MBOAT2: variants seen among roughly 807,000 people sequenced by gnomAD.
The protein encoded by MBOAT2 is membrane-bound glycerophospholipid O-acyltransferase 2.
A neutral mutation model predicts 63.4 loss-of-function variants in MBOAT2; 28 were observed. The observed-to-expected ratio is 0.44, with a 90% CI of 0.33 to 0.61. The LOEUF is 0.61. Ranked by LOEUF, MBOAT2 falls within the 20% of genes least tolerant of loss-of-function variation. The pLI is 0.03. For missense variants in MBOAT2, 470 were observed against 605.8 expected (o/e 0.78, Z 2.35); for synonymous variants, 211 against 215.6 (o/e 0.98, Z 0.19).
Position 8,858,608 on chromosome 2 carries a change from C to T in MBOAT2, c.*71G>A. On this transcript the variant is annotated 3_prime_UTR_variant, in exon 13 of 13. Transcript: ENST00000305997. ...AACTGCTTTTCCAACAAACTCAAAC[C>T]CCTTGAAAAGGTGCTAAGATTGGTT... is the stretch of plus-strand genomic sequence containing the variant. 1 of 1,166,030 alleles carries T rather than the reference C, an allele frequency of 8.6e-7. No individual in the cohort carries two copies. The highest frequency in any genetic ancestry group is 1.2e-6 in the Non-Finnish European group (1 of 817,970). 72.2% of individuals were successfully genotyped at this position (1,166,030 alleles called of 1,614,324 possible).
intron 3 of MBOAT2, among the ~76,000 whole-genome samples, chr2:8,922,890 G>A (rs1428567761): frequency 1.3e-5 from 2 of 152,218 alleles, no homozygotes; most frequent in Non-Finnish European, 1.5e-5. Context: ...TTCTCTGTTA[G>A]CTACTGCATG....
intron 3 of MBOAT2, among the ~76,000 whole-genome samples, chr2:8,929,898 C>T (rs1441503575): frequency 6.6e-6 from 1 of 152,136 alleles, no homozygotes; most frequent in African/African-American, 2.4e-5. Context: ...TAAAATATTC[C>T]TAACATCTGA....
In MBOAT2 at chr2:8,877,125, T is replaced by C. The variant is rs1558562999; in HGVS notation, c.595A>G (p.Ile199Val). Residue 199 changes from isoleucine to valine, a missense_variant, in exon 7 of 13, where the codon ATT (isoleucine) becomes GTT (valine). Around this residue, in one of 3 missense-constraint regions of MBOAT2, gnomAD observed 376 missense variants for 503.8 expected, o/e 0.75. Transcript: ENST00000305997. ...AGPLCSYKDY[I>V]TFIEGRSYHI... Reference sequence around the variant, plus strand: ...TATGATCTGCCTTCAATGAAAGTAATGTAGTCTTTGTAAGAGCAAAGTGGG... The same window carrying C: ...TATGATCTGCCTTCAATGAAAGTAACGTAGTCTTTGTAAGAGCAAAGTGGG... The C allele has an allele frequency of 1.9e-6, 3 of 1,614,134 alleles. No homozygotes were observed. The highest frequency in any genetic ancestry group is 1.3e-5 in the African/African-American group (1 of 75,036).
At chr2:8,924,169 A>C (rs1270217000) in intron 3 of MBOAT2, among the ~76,000 whole-genome samples, 1 of 152,204 alleles carries the variant, frequency 6.6e-6, no homozygotes, top group East Asian at 1.9e-4. Flanking sequence ...CAGCCATGCC[A>C]TCTTCACACA....
rs1255310723 is a variant in MBOAT2 at position 8,882,532 on chromosome 2, G to A, written c.485C>T (p.Ser162Leu). 6.2e-7 allele frequency: 1 copy of A among 1,614,246 alleles called. No individual in the cohort carries two copies. Among genetic ancestry groups the A allele is most frequent in the African/African-American group, 1.3e-5 (1 of 75,072 alleles). Residue 162 changes from serine (S) to leucine (L), a missense_variant, in exon 6 of 13, where the codon TCA becomes TTA. Coordinates refer to ENST00000305997, the MANE Select transcript of MBOAT2 (RefSeq NM_138799.4). ...GTACCTTACAGCTAAATCCCTCTGT[G>A]AGGAAGTCAGTTCTTCATCCTTCCG... Reference protein sequence around the residue: ...MFRKDEELTSSQRDLAVRRMP... With the variant: ...MFRKDEELTSLQRDLAVRRMP...
Position 8,912,369 on chromosome 2 carries a change from GAAAGAGAA to G in MBOAT2, c.300-3661_300-3654del, listed in dbSNP as rs764943046. ...AAAGAAAGAGAAAGAAAGAAAGAAA[GAAAGAGAA>G]AGAAAGAAAGAAAGAAAGAAAGAAA... On this transcript the variant is annotated intron_variant, in intron 3 of 12. Coordinates refer to ENST00000305997, the MANE Select transcript of MBOAT2 (RefSeq NM_138799.4). 3.6e-3 allele frequency among the ~76,000 whole-genome samples: 343 copies of G among 95,978 alleles called. 2 individuals are homozygous for G. Among genetic ancestry groups the G allele is most frequent in the Middle Eastern group, 5.2e-3 (1 of 192 alleles). The allele number at this position is 95,978 out of a possible 152,430, so 63.0% of individuals were successfully genotyped here. A position where few individuals can be genotyped will look rare whatever the true frequency, so the allele number is the denominator to read the frequency against.
chr2:8,860,878 C>T (rs2148506051), intron 11 of MBOAT2, 114 bp from the exon 12 acceptor site: 3 of 841,196 alleles, frequency 3.6e-6, no homozygotes, highest in East Asian at 5.5e-5. Flanking sequence ...TGAAACTCTC[C>T]TAAGTTGCTA....
chr2:8,965,758 T>C (rs1398619874), intron 1 of MBOAT2, among the ~76,000 whole-genome samples: 1 of 152,114 alleles, frequency 6.6e-6, no homozygotes, highest in African/African-American at 2.4e-5. Flanking sequence ...ATCTGCACTG[T>C]TCAAATATGA....
intron 3 of MBOAT2, among the ~76,000 whole-genome samples, chr2:8,922,252 AT>A (rs1352294260): frequency 1.3e-5 from 2 of 151,846 alleles, no homozygotes; most frequent in Non-Finnish European, 2.9e-5. Flanking sequence ...TACATTCCCT[AT>A]TTGTTAAATC....
intron 4 of MBOAT2, among the ~76,000 whole-genome samples, chr2:8,902,472 C>T (rs1290998902): frequency 6.6e-6 from 1 of 152,150 alleles, no homozygotes; most frequent in African/African-American, 2.4e-5. Context: ...GATGTTCGGA[C>T]GTGTCCGGAC....
chr2:8,952,823 G>C (rs1026807692), intron 2 of MBOAT2, among the ~76,000 whole-genome samples: 3 of 149,920 alleles, frequency 2.0e-5, no homozygotes, highest in African/African-American at 7.4e-5. Flanking sequence ...CATTTGCATG[G>C]TAGATCTTTC....
In MBOAT2 at chr2:8,867,807, T is replaced by C. The variant is rs73149366; in HGVS notation, c.987+639A>G. On this transcript the variant is annotated intron_variant, in intron 9 of 12. Coordinates refer to ENST00000305997, the MANE Select transcript of MBOAT2 (RefSeq NM_138799.4). ...CATCCTCCTAACAGAGCTCTCTGCC[T>C]CTTGAGGGAAATACATTCTACATGC... Among the ~76,000 whole-genome samples, 875 of 152,370 alleles carry C rather than the reference T, an allele frequency of 5.7e-3. 5 individuals carry two copies. Among genetic ancestry groups the C allele is most frequent in the African/African-American group, 0.02 (852 of 41,586 alleles).
intron 1 of MBOAT2, among the ~76,000 whole-genome samples, chr2:9,000,768 T>C (rs1021535330): frequency 9.2e-5 from 14 of 152,242 alleles, no homozygotes; most frequent in African/African-American, 3.4e-4. Context: ...GTAGACTTCA[T>C]AAATACTCTA....
At chr2:8,955,224 G>C (rs1669129988) in intron 2 of MBOAT2, among the ~76,000 whole-genome samples, 1 of 152,220 alleles carries the variant, frequency 6.6e-6, no homozygotes, top group African/African-American at 2.4e-5. Context: ...ATGGTGTCCT[G>C]TTCTCCATCC....
chr2:8,906,247 C>A (rs1290842819), intron 4 of MBOAT2, among the ~76,000 whole-genome samples: 1 of 152,240 alleles, frequency 6.6e-6, no homozygotes, highest in Non-Finnish European at 1.5e-5. Context: ...CCACACCCAG[C>A]CTTTTAAATG....
At chr2:8,891,458 C>G (rs943288151) in intron 4 of MBOAT2, among the ~76,000 whole-genome samples, 3 of 152,134 alleles carry the variant, frequency 2.0e-5, no homozygotes, top group Admixed American at 2.0e-4. Context: ...AACGACTGTG[C>G]AGGAAGCATT....
intron 1 of MBOAT2, among the ~76,000 whole-genome samples, chr2:8,994,514 G>C (rs1461885514): frequency 6.6e-6 from 1 of 152,212 alleles, no homozygotes; most frequent in African/African-American, 2.4e-5. Context: ...GGTTAGTCCA[G>C]AGCAAAGGAG....
intron 4 of MBOAT2, among the ~76,000 whole-genome samples, chr2:8,902,523 G>A (rs1665026171): frequency 6.6e-6 from 1 of 152,158 alleles, no homozygotes; most frequent in Non-Finnish European, 1.5e-5. Context: ...TTGACTTCAG[G>A]AGTGAAGCTG....
intron 4 of MBOAT2, among the ~76,000 whole-genome samples, chr2:8,896,277 G>A (rs1461844972): frequency 6.7e-6 from 1 of 150,070 alleles, no homozygotes; most frequent in East Asian, 2.0e-4. Context: ...GAAAGGTGTT[G>A]TCTGATTGCA....
Sources: allele counts gnomAD v4.1 joint callset (sites outside exome capture counted in the v4.1 genomes callset), GRCh38; gene constraint gnomAD v4.1.1; regional missense constraint gnomAD v4.1.1; transcripts MANE v1.5; gene names NCBI Gene and HGNC (gene_info 2026-07-23, HGNC 2026-07-21).